Variants in VDAC1 observed in about 807,000 individuals in gnomAD.
VDAC1 encodes the protein voltage dependent anion channel 1.
A neutral mutation model predicts 34.7 loss-of-function variants in VDAC1; 10 were observed. That is an observed-to-expected ratio of 0.29 (90% CI 0.18 to 0.49). The LOEUF (loss-of-function observed/expected upper bound fraction) is 0.49. Ranked by LOEUF, VDAC1 falls within the 20% of genes least tolerant of loss-of-function variation. The pLI is 0.99. For synonymous variants in VDAC1, 130 were observed against 136.0 expected (o/e 0.96, Z 0.30); for missense variants, 230 against 347.9 (o/e 0.66, Z 2.69).
At chr5:133,981,014 GTCTTT>G in intron 5 of VDAC1, 58 bp from the exon 6 acceptor site, 1 of 1,374,962 alleles carries the variant, frequency 7.3e-7, no homozygotes, top group Non-Finnish European at 1.0e-6. Context: ...AATGCAAGTT[GTCTTT>G]TTTTTTTTTT....
chr5:134,104,628 A>G, the VDAC1 span, among the ~76,000 whole-genome samples: 1 of 152,204 alleles, frequency 6.6e-6, no homozygotes. Context: ...CTCCTGCTTC[A>G]GCTTTTTCCA....
intron 5 of VDAC1, among the ~76,000 whole-genome samples, chr5:133,987,566 T>A (rs958101708): frequency 1.1e-4 from 17 of 151,896 alleles, no homozygotes; most frequent in African/African-American, 4.1e-4. Context: ...TGGTCCCAGC[T>A]ACTTGGGAGG....
chr5:133,972,564 C>A lies in VDAC1; in HGVS notation c.*207G>T. ...AGGGGCCACCAAGTTCTCCCCGAGT[C>A]TACCACTGAAAGGACCTTTTTTGGA... is the stretch of plus-strand genomic sequence containing the variant. On this transcript the variant is annotated 3_prime_UTR_variant, in exon 9 of 9. Transcript: ENST00000265333. 2.1e-6 allele frequency: 1 copy of A among 476,806 alleles called. No individual in the cohort carries two copies. The highest frequency in any genetic ancestry group is 4.7e-5 in the South Asian group (1 of 21,114). 29.5% of individuals were successfully genotyped at this position (476,806 alleles called of 1,614,324 possible).
At chr5:133,993,590 A>G (rs1444169869) in intron 1 of VDAC1, among the ~76,000 whole-genome samples, 1 of 152,236 alleles carries the variant, frequency 6.6e-6, no homozygotes, top group Non-Finnish European at 1.5e-5. Context: ...AACCCACTTC[A>G]TATTTCTCAT....
At chr5:133,973,893 C>T (rs1008932474) in intron 7 of VDAC1, 45 bp from the exon 8 acceptor site, 2 of 1,569,820 alleles carry the variant, frequency 1.3e-6, no homozygotes, top group Non-Finnish European at 1.7e-6. Context: ...AAGTATAATA[C>T]TTTGCACTTC....
At chr5:133,985,033 A>G (rs1752854536) in intron 5 of VDAC1, among the ~76,000 whole-genome samples, 4 of 152,086 alleles carry the variant, frequency 2.6e-5, no homozygotes, top group Admixed American at 2.6e-4. Context: ...GGTCTAAGAC[A>G]TGCACATGTC....
At chr5:133,975,523 C>T (rs888788108) in intron 7 of VDAC1, among the ~76,000 whole-genome samples, 1 of 150,858 alleles carries the variant, frequency 6.6e-6, no homozygotes, top group Admixed American at 6.6e-5. Context: ...TGCAGTGACA[C>T]GATCTCAGCT....
At chr5:134,080,103 C>A in the VDAC1 span, among the ~76,000 whole-genome samples, 1 of 152,224 alleles carries the variant, frequency 6.6e-6, no homozygotes, top group Non-Finnish European at 1.5e-5. Flanking sequence ...TGTAGAGAGG[C>A]CACAAGATGT....
chr5:133,998,970 C>G (rs1028564282), intron 1 of VDAC1, among the ~76,000 whole-genome samples: 2 of 152,116 alleles, frequency 1.3e-5, no homozygotes, highest in Non-Finnish European at 2.9e-5. Flanking sequence ...ACCAGGCCCC[C>G]GCCTGGTAGA....
intron 2 of VDAC1, 72 bp from the exon 3 acceptor site, chr5:133,992,427 T>TTTTTAAAA: frequency 8.4e-7 from 1 of 1,194,200 alleles, no homozygotes; most frequent in Non-Finnish European, 1.1e-6. Flanking sequence ...CCCTCATGGT[T>TTTTTAAAA]GCTTCAGGAT....
At chr5:133,977,548 C>T (rs536345018) in intron 6 of VDAC1, among the ~76,000 whole-genome samples, 4 of 152,294 alleles carry the variant, frequency 2.6e-5, no homozygotes, top group Non-Finnish European at 4.4e-5. Flanking sequence ...GCTGAACAGC[C>T]TATACAAACT....
chr5:133,979,486 G>A (rs563689537), intron 6 of VDAC1, among the ~76,000 whole-genome samples: 1 of 121,458 alleles, frequency 8.2e-6, no homozygotes, highest in Non-Finnish European at 1.6e-5. Flanking sequence ...CTAGAGCGCA[G>A]TGGCGTGATC....
intron 6 of VDAC1, among the ~76,000 whole-genome samples, chr5:133,976,811 A>C (rs950470604): frequency 6.6e-6 from 1 of 152,192 alleles, no homozygotes; most frequent in Non-Finnish European, 1.5e-5. Flanking sequence ...TGGGAGGCCA[A>C]GGCGGGCAGA....
At chr5:134,046,346 A>T in the VDAC1 span, among the ~76,000 whole-genome samples, 6 of 151,450 alleles carry the variant, frequency 4.0e-5, no homozygotes, top group Middle Eastern at 3.2e-3. Context: ...TTAATTTTTT[A>T]AAAAAATAGA....
At chr5:134,036,051 A>G in the VDAC1 span, among the ~76,000 whole-genome samples, 1 of 152,114 alleles carries the variant, frequency 6.6e-6, no homozygotes, top group Admixed American at 6.6e-5. Context: ...ACAGTACAGG[A>G]ATTGTTGCAG....
chr5:134,112,668 A>C, the VDAC1 span, among the ~76,000 whole-genome samples: 1 of 152,234 alleles, frequency 6.6e-6, no homozygotes, highest in African/African-American at 2.4e-5. Context: ...GACATGAAAA[A>C]AAACACTTGT....
the VDAC1 span, among the ~76,000 whole-genome samples, chr5:134,101,774 C>T: frequency 6.6e-6 from 1 of 152,216 alleles, no homozygotes; most frequent in African/African-American, 2.4e-5. Context: ...CTGGGGTCCT[C>T]GTCAGCTGTG....
At chr5:134,114,035 C>T in the VDAC1 span, among the ~76,000 whole-genome samples, 1 of 152,182 alleles carries the variant, frequency 6.6e-6, no homozygotes, top group Non-Finnish European at 1.5e-5. Flanking sequence ...GTTCGCGGCT[C>T]GGAGCCGTCG....
intron 1 of VDAC1, among the ~76,000 whole-genome samples, chr5:134,000,913 G>C (rs1753526115): frequency 6.6e-6 from 1 of 152,118 alleles, no homozygotes; most frequent in South Asian, 2.1e-4. Flanking sequence ...TCCACAATGA[G>C]GCATTGTTTA....
Sources: allele counts gnomAD v4.1 joint callset (sites outside exome capture counted in the v4.1 genomes callset), GRCh38; gene constraint gnomAD v4.1.1; transcripts MANE v1.5; gene names NCBI Gene and HGNC (gene_info 2026-07-23, HGNC 2026-07-21).